The following COL16A1 variants were observed in gnomAD, a reference collection of about 807,000 sequenced individuals.
COL16A1 encodes collagen alpha-1(XVI) chain.
Under a neutral mutation model 266.3 loss-of-function variants are expected in COL16A1, and 189 were observed. That is an observed-to-expected ratio of 0.71 (90% CI 0.63 to 0.80). COL16A1 has a LOEUF of 0.80. Among genes scored for constraint, COL16A1 ranks in the 30% least tolerant of loss-of-function variants. The probability of loss-of-function intolerance (pLI) is 0.00; values close to 1 mark genes in which losing one functional copy is unlikely to be tolerated. For synonymous variants in COL16A1, 740 were observed against 782.3 expected (o/e 0.95, Z 0.90); for missense variants, 1,928 against 2,122.4 (o/e 0.91, Z 1.80).
intron 35 of COL16A1, 34 bp from the exon 36 acceptor site, chr1:31,683,281 C>T (rs1643777876): frequency 6.2e-7 from 1 of 1,614,096 alleles, no homozygotes; most frequent in Admixed American, 1.7e-5. Context: ...TAACCCATAT[C>T]CTAGAATGGC....
At position 31,656,189 on chromosome 1, in the gene COL16A1, A is replaced by G; in HGVS notation, c.4101+211T>C. ...GAATGAATCAATCAGTCAATCAGTG[A>G]GTAAATGAACTGGAGATTTCCTTCC... On this transcript the variant is annotated intron_variant, in intron 66 of 70. Coordinates refer to ENST00000373672, the MANE Select transcript of COL16A1 (RefSeq NM_001856.4). The surrounding 1 kb of genome is among the most constrained non-coding windows in gnomAD (Gnocchi z 4.2). 1 of 720,496 alleles carries G rather than the reference A, an allele frequency of 1.4e-6. No individual in the cohort carries two copies. Among genetic ancestry groups the G allele is most frequent in the Non-Finnish European group, 2.3e-6 (1 of 437,650 alleles). 44.6% of individuals were successfully genotyped at this position (720,496 alleles called of 1,614,324 possible). A position where few individuals can be genotyped will look rare whatever the true frequency, so the allele number is the denominator to read the frequency against.
intron 42 of COL16A1, among the ~76,000 whole-genome samples, chr1:31,676,792 G>T (rs1393990614): frequency 6.6e-6 from 1 of 152,244 alleles, no homozygotes; most frequent in Non-Finnish European, 1.5e-5. Flanking sequence ...CCAACATGGA[G>T]GAGATGTGCA....
In COL16A1 at chr1:31,688,867, G is replaced by C; in HGVS notation, c.1761C>G (p.Gly587=). The C allele has an allele frequency of 6.2e-7, 1 of 1,613,642 alleles. No individual in the cohort carries two copies. The highest frequency in any genetic ancestry group is 8.5e-7 in the Non-Finnish European group (1 of 1,179,738). Residue 587 remains glycine (G), a synonymous_variant, in exon 25 of 71, where the codon GGC becomes GGG. Coordinates refer to ENST00000373672, the MANE Select transcript of COL16A1 (RefSeq NM_001856.4). This position sits in a 1 kb window ranked among gnomAD's most constrained non-coding sequence, Gnocchi z 4.9. Reference sequence around the variant, plus strand: ...GGAGAAAGTCGTCACTCACCGGAAGGCCAGGCAGACCAAAGCCAGGGGAAC... The same window carrying C: ...GGAGAAAGTCGTCACTCACCGGAAGCCCAGGCAGACCAAAGCCAGGGGAAC... The part of the protein sequence containing the change: ...DVGSPGFGLP[G]LPGRAGVPGL...
At position 31,656,278 on chromosome 1, in the gene COL16A1, C is replaced by A; in HGVS notation, c.4101+122G>T. The stretch of plus-strand genomic sequence containing the variant: ...AGACACTATCCTGCTCCAAGTTCTG[C>A]ATTTTTGCCCCCTGCCCACTGGCCT... On this transcript the variant is annotated intron_variant, in intron 66 of 70. Coordinates refer to ENST00000373672, the MANE Select transcript of COL16A1 (RefSeq NM_001856.4). The surrounding 1 kb of genome is among the most constrained non-coding windows in gnomAD (Gnocchi z 4.2). 1 of 1,507,144 alleles carries A rather than the reference C, an allele frequency of 6.6e-7. No homozygotes were observed. Among genetic ancestry groups the A allele is most frequent in the Non-Finnish European group, 8.9e-7 (1 of 1,122,060 alleles). The allele number at this position is 1,507,144 out of a possible 1,614,324, so 93.4% of individuals were successfully genotyped here.
Position 31,697,890 on chromosome 1 carries a change from C to T in COL16A1, c.657+16G>A. On this transcript the variant is annotated intron_variant, in intron 6 of 70. Transcript: ENST00000373672. The surrounding 1 kb of genome is among the most constrained non-coding windows in gnomAD (Gnocchi z 4.2). ...AGAAGGCAGGAACAGAGGTCAGGGCCTGACCTAGCACTCACCGAGACAGGC... is the reference window on the plus strand; with the variant it reads ...AGAAGGCAGGAACAGAGGTCAGGGCTTGACCTAGCACTCACCGAGACAGGC... 6.3e-7 allele frequency: 1 copy of T among 1,594,058 alleles called. No individual in the cohort carries two copies. The highest frequency in any genetic ancestry group is 1.3e-5 in the African/African-American group (1 of 74,356).
At chr1:31,665,490 C>T in intron 55 of COL16A1, 93 bp downstream of exon 55, 3 of 1,609,060 alleles carry the variant, frequency 1.9e-6, no homozygotes, top group Non-Finnish European at 2.5e-6. Context: ...CTCTTCTCCC[C>T]AGGACCATCC....
intron 23 of COL16A1, 65 bp downstream of exon 23, chr1:31,689,676 G>T: frequency 7.5e-7 from 1 of 1,333,054 alleles, no homozygotes; most frequent in South Asian, 1.2e-5. Context: ...TCCTCTCTAT[G>T]ATCATGTCCC....
At chr1:31,669,740 T>A (rs1330441001) in intron 49 of COL16A1, 2 of 152,082 alleles carry the variant, frequency 1.3e-5, no homozygotes, top group Non-Finnish European at 2.9e-5. Context: ...ACACAAAACC[T>A]GACAAACAGG....
At chr1:31,659,725 G>T (rs1641476538) in intron 62 of COL16A1, 1 of 152,262 alleles carries the variant, frequency 6.6e-6, no homozygotes, top group Non-Finnish European at 1.5e-5. Context: ...GTCCAGCACA[G>T]AGACTGCCAC....
intron 52 of COL16A1, chr1:31,666,369 C>T (rs1642144926): frequency 2.2e-6 from 1 of 446,656 alleles, no homozygotes; most frequent in African/African-American, 2.0e-5. Context: ...CTTGCTCAAA[C>T]ACCTTATGCG....
Position 31,652,556 on chromosome 1 carries a change from CAACA to C in COL16A1, c.*91_*94del. ...TAACAGCAATTAAAAACAACAACAA[CAACA>C]AAAAAAACATTCACAACCTGTCACA... is the stretch of plus-strand genomic sequence containing the variant. On this transcript the variant is annotated 3_prime_UTR_variant, in exon 71 of 71. Coordinates refer to ENST00000373672, the MANE Select transcript of COL16A1 (RefSeq NM_001856.4). This position sits in a 1 kb window ranked among gnomAD's most constrained non-coding sequence, Gnocchi z 4.8. The C allele has an allele frequency of 4.6e-6, 5 of 1,079,212 alleles. No homozygotes were observed. Among genetic ancestry groups the C allele is most frequent in the Non-Finnish European group, 6.2e-6 (5 of 807,444 alleles). 66.9% of individuals were successfully genotyped at this position (1,079,212 alleles called of 1,614,324 possible). A position where few individuals can be genotyped will look rare whatever the true frequency, so the allele number is the denominator to read the frequency against.
Position 31,653,874 on chromosome 1 carries a change from T to A in COL16A1, c.4527A>T (p.Gly1509=). The A allele has an allele frequency of 6.2e-7, 1 of 1,611,092 alleles. No homozygotes were observed. The highest frequency in any genetic ancestry group is 8.5e-7 in the Non-Finnish European group (1 of 1,178,044). The part of the protein sequence containing the change: ...IGREGRQGLP[G]VRGLPGTKGE... The stretch of plus-strand genomic sequence containing the variant: ...ACTGTAGGGCAGAGCTACCTCTTAC[T>A]CCTGGCAAGCCCTGCCGTCCTTCTC... The change falls in exon 69 of 71, where the codon GGA becomes GGT. Residue 1509 remains glycine, a synonymous_variant. Transcript: ENST00000373672.
Position 31,668,256 on chromosome 1 carries a change from C to T in COL16A1, c.3250-38G>A, listed in dbSNP as rs368837553. On this transcript the variant is annotated intron_variant, in intron 50 of 70. Coordinates refer to ENST00000373672, the MANE Select transcript of COL16A1 (RefSeq NM_001856.4). This position sits in a 1 kb window ranked among gnomAD's most constrained non-coding sequence, Gnocchi z 5.8. ...GCAGACATGATGGATAGCCCCCCAA[C>T]ATTTCTGTTCTCCCCTCGCTGGGTA... The T allele has an allele frequency of 3.1e-6, 5 of 1,605,992 alleles. No homozygotes were observed. Among genetic ancestry groups the T allele is most frequent in the Admixed American group, 3.3e-5 (2 of 59,860 alleles).
chr1:31,695,178 T>C lies in COL16A1; in HGVS notation c.981+8A>G. On this transcript the variant is annotated splice_region_variant and intron_variant, in intron 11 of 70. Transcript: ENST00000373672. Reference sequence around the variant, plus strand: ...CCGCTCCACCCTGCACACCCTCCATTCACTCACATTGCTGTCCCGGGCACC... The same window carrying C: ...CCGCTCCACCCTGCACACCCTCCATCCACTCACATTGCTGTCCCGGGCACC... 6.2e-7 allele frequency: 1 copy of C among 1,613,692 alleles called. No individual in the cohort carries two copies. Among genetic ancestry groups the C allele is most frequent in the South Asian group, 1.1e-5 (1 of 90,992 alleles).
chr1:31,653,953 G>T lies in COL16A1; in HGVS notation c.4448C>A (p.Ala1483Asp). Reference protein sequence around the residue: ...GRPGPPGKDGAPGRPGAPGSP... With the variant: ...GRPGPPGKDGDPGRPGAPGSP... Reference sequence around the variant, plus strand: ...CCCTGGAGCACCTGGCCTGCCCGGAGCACCATCCTTCCCTGGAGGCCCTGG... The same window carrying T: ...CCCTGGAGCACCTGGCCTGCCCGGATCACCATCCTTCCCTGGAGGCCCTGG... The change falls in exon 69 of 71, where the codon GCT becomes GAT. Residue 1483 changes from alanine (A) to aspartate (D), a missense_variant. Physicochemically the swap from Ala to Asp is moderately radical, Grantham distance 126 (BLOSUM62 -2). Around this residue, in one of 2 missense-constraint regions of COL16A1, gnomAD observed 376 missense variants for 485.2 expected, o/e 0.77. Coordinates refer to ENST00000373672, the MANE Select transcript of COL16A1 (RefSeq NM_001856.4). The T allele has an allele frequency of 6.2e-7, 1 of 1,614,192 alleles. No individual in the cohort carries two copies. Among genetic ancestry groups the T allele is most frequent in the Non-Finnish European group, 8.5e-7 (1 of 1,180,034 alleles).
At position 31,688,949 on chromosome 1, in the gene COL16A1, C is replaced by G; in HGVS notation, c.1679G>C (p.Ser560Thr). The G allele has an allele frequency of 6.2e-7, 1 of 1,614,156 alleles. No individual in the cohort carries two copies. The highest frequency in any genetic ancestry group is 8.5e-7 in the Non-Finnish European group (1 of 1,180,014). ...GEKGEPCLSC[S>T]SVVGAQHLVS... The stretch of plus-strand genomic sequence containing the variant: ...AAGATGCTGGGCCCCTACAACCGAG[C>G]TGCAGGACAAGCAGGGCTCCCCCTG... The change falls in exon 25 of 71, where the codon AGC becomes ACC. Residue 560 changes from serine to threonine, a missense_variant. Physicochemically the swap from Ser to Thr is moderately conservative, Grantham distance 58. Transcript: ENST00000373672. The surrounding 1 kb of genome is among the most constrained non-coding windows in gnomAD (Gnocchi z 4.9).
intron 51 of COL16A1, 82 bp from the exon 52 acceptor site, chr1:31,667,710 G>T (rs1334463572): frequency 1.5e-6 from 2 of 1,330,250 alleles, no homozygotes; most frequent in Admixed American, 2.0e-5. Context: ...GGAGACTGCA[G>T]CTGGCACCCA....
At chr1:31,692,843 C>T (rs1644334458) in intron 13 of COL16A1, 35 bp from the exon 14 acceptor site, 1 of 1,600,490 alleles carries the variant, frequency 6.2e-7, no homozygotes. Context: ...GGGGTGGGAA[C>T]TCCTGGGGAA....
intron 62 of COL16A1, chr1:31,659,745 C>T (rs1370826470): frequency 1.3e-5 from 2 of 152,308 alleles, no homozygotes; most frequent in Middle Eastern, 3.4e-3. Flanking sequence ...CACTGCAAGA[C>T]GAAGGGGCTG....
Sources: gnomAD v4.1 joint callset for allele counts (sites outside exome capture counted in the v4.1 genomes callset) on GRCh38, gnomAD v4.1.1 for gene constraint, gnomAD v4.1.1 regional missense constraint, Gnocchi (gnomAD v3.1) non-coding constraint, MANE v1.5 for transcripts, NCBI Gene and HGNC (gene_info 2026-07-23, HGNC 2026-07-21) for gene names.